IAH1: variants seen among roughly 807,000 people sequenced by gnomAD.
IAH1 encodes isoamyl acetate hydrolyzing esterase 1 (putative), also known as isoamyl acetate-hydrolyzing esterase 1 homolog.
In IAH1, 24 loss-of-function variants were observed where a neutral mutation model predicts 26.7. The ratio of observed to expected loss-of-function variants is 0.90; its 90% confidence interval spans 0.65 to 1.26. IAH1 has a LOEUF of 1.26. Ranked by LOEUF, IAH1 falls within the 50% of genes most tolerant of loss-of-function variation. The probability of loss-of-function intolerance (pLI) is 0.00; values close to 1 mark genes in which losing one functional copy is unlikely to be tolerated. For synonymous variants in IAH1, 140 were observed against 118.5 expected, an observed-to-expected ratio of 1.18 and a Z score of -1.18; for missense variants, 300 against 299.9, an observed-to-expected ratio of 1.00 and a Z score of 0.00.
At chr2:9,482,522 GGC>G (rs1661245549) in intron 4 of IAH1, among the ~76,000 whole-genome samples, 1 of 152,174 alleles carries the variant, frequency 6.6e-6, no homozygotes, top group Non-Finnish European at 1.5e-5. Context: ...CTTCATGGAA[GGC>G]TGTTATTGTC....
downstream of IAH1, among the ~76,000 whole-genome samples, chr2:9,499,592 C>G (rs1300837996): frequency 2.0e-5 from 3 of 152,098 alleles, no homozygotes; most frequent in Admixed American, 2.0e-4. Flanking sequence ...TTAGTAGACA[C>G]AGGGTTTCAC....
At chr2:9,492,134 C>T (rs186584928), downstream of IAH1, among the ~76,000 whole-genome samples, 159 of 152,310 alleles carry the variant, frequency 1.0e-3, no homozygotes, top group Admixed American at 2.2e-3. Flanking sequence ...ACTCCTTTGT[C>T]ATCAGAGTTG....
At chr2:9,496,106 CT>C (rs1188042951) in intron 6 of IAH1, among the ~76,000 whole-genome samples, 1 of 151,844 alleles carries the variant, frequency 6.6e-6, no homozygotes, top group Non-Finnish European at 1.5e-5. Flanking sequence ...GGTTCTTTGT[CT>C]TTTATTTATT....
At chr2:9,482,698 C>G (rs1159874083) in intron 4 of IAH1, among the ~76,000 whole-genome samples, 1 of 152,212 alleles carries the variant, frequency 6.6e-6, no homozygotes, top group African/African-American at 2.4e-5. Context: ...GTAGCTATGT[C>G]CCTTGCTCTC....
At chr2:9,493,135 C>T, downstream of IAH1, 1 of 623,648 alleles carries the variant, frequency 1.6e-6, no homozygotes. Flanking sequence ...GCCTGTATTA[C>T]ACCACACCAT....
intron 4 of IAH1, among the ~76,000 whole-genome samples, chr2:9,482,100 C>T (rs544562460): frequency 2.0e-5 from 3 of 147,336 alleles, no homozygotes; most frequent in East Asian, 2.0e-4. Flanking sequence ...GGCACGATCT[C>T]GGCTCACTGC....
chr2:9,503,604 G>A, the IAH1 span, among the ~76,000 whole-genome samples: 1 of 152,162 alleles, frequency 6.6e-6, no homozygotes, highest in African/African-American at 2.4e-5. Flanking sequence ...ACTTTGGGAG[G>A]CTGAGGCAGG....
At chr2:9,491,195 C>CAGTT (rs755646768), downstream of IAH1, 39 of 1,564,992 alleles carry the variant, frequency 2.5e-5, no homozygotes, top group Non-Finnish European at 3.4e-5. Flanking sequence ...AAATACAATT[C>CAGTT]AGTTAGTGAG....
chr2:9,476,719 A>G (rs140583091), intron 2 of IAH1, among the ~76,000 whole-genome samples: 4 of 152,352 alleles, frequency 2.6e-5, no homozygotes, highest in Non-Finnish European at 5.9e-5. Context: ...CTCATTGTCC[A>G]GGGGAGGAAT....
intron 5 of IAH1, among the ~76,000 whole-genome samples, chr2:9,487,840 G>GCGCA (rs1553354412): frequency 3.3e-4 from 21 of 63,612 alleles, no homozygotes; most frequent in African/African-American, 7.8e-4. Context: ...GTGTGCGCGC[G>GCGCA]CGCGCGCGCG....
intron 5 of IAH1, 27 bp from the exon 6 acceptor site, chr2:9,488,120 C>A: frequency 6.5e-7 from 1 of 1,547,574 alleles, no homozygotes; most frequent in Admixed American, 1.9e-5. Context: ...CAGTTACCCA[C>A]CTTTAACCGA....
At chr2:9,510,978 C>A in the IAH1 span, among the ~76,000 whole-genome samples, 2 of 152,162 alleles carry the variant, frequency 1.3e-5, no homozygotes, top group Non-Finnish European at 1.5e-5. Flanking sequence ...TATACTGGAA[C>A]ATTCATAACA....
chr2:9,497,008 A>G (rs1662661032), downstream of IAH1: 2 of 1,514,488 alleles, frequency 1.3e-6, no homozygotes, highest in Non-Finnish European at 8.8e-7. Flanking sequence ...CTCGGCTTGG[A>G]TCTCACCACT....
downstream of IAH1, chr2:9,490,456 C>A (rs746436310): frequency 1.9e-6 from 3 of 1,613,944 alleles, no homozygotes; most frequent in South Asian, 3.3e-5. Context: ...GAGTCTGGGG[C>A]GCAGGAAAGG....
the IAH1 span, among the ~76,000 whole-genome samples, chr2:9,508,339 T>TTATGA: frequency 2.6e-5 from 4 of 152,162 alleles, no homozygotes; most frequent in Non-Finnish European, 5.9e-5. Context: ...AATAATCAAC[T>TTATGA]TATGACTTCA....
downstream of IAH1, chr2:9,490,374 C>G: frequency 3.7e-6 from 6 of 1,614,130 alleles, no homozygotes; most frequent in Non-Finnish European, 5.1e-6. Context: ...TGGATGGTGT[C>G]CATTCTCTGG....
At chr2:9,478,183 C>A (rs1466086563) in intron 2 of IAH1, 39 bp from the exon 3 acceptor site, 3 of 1,571,324 alleles carry the variant, frequency 1.9e-6, no homozygotes, top group African/African-American at 1.4e-5. Context: ...ATAAACACTT[C>A]TTGCCCACAA....
chr2:9,501,992 T>C, the IAH1 span, among the ~76,000 whole-genome samples: 1 of 151,032 alleles, frequency 6.6e-6, no homozygotes, highest in African/African-American at 2.4e-5. Flanking sequence ...GAAAGAGAAA[T>C]AGAAACAGGT....
downstream of IAH1, among the ~76,000 whole-genome samples, chr2:9,490,761 CT>C (rs568886357): frequency 2.2e-3 from 341 of 152,286 alleles, no homozygotes; most frequent in Middle Eastern, 0.02. Flanking sequence ...ATCCTGAAAA[CT>C]TACTTACCAT....
Sources: gnomAD v4.1 joint callset for allele counts (sites outside exome capture counted in the v4.1 genomes callset) on GRCh38, gnomAD v4.1.1 for gene constraint, MANE v1.5 for transcripts, NCBI Gene and HGNC (gene_info 2026-07-23, HGNC 2026-07-21) for gene names.